The following KIR2DL4 variants were observed in gnomAD, a reference collection of about 807,000 sequenced individuals.
KIR2DL4 encodes the protein killer cell immunoglobulin-like receptor 2DL4.
Under a neutral mutation model 31.0 loss-of-function variants are expected in KIR2DL4, and 41 were observed. That is an observed-to-expected ratio of 1.32 (90% confidence interval 1.03 to 1.72). The LOEUF is 1.72. KIR2DL4 is among the 40% of genes most tolerant of loss of function. The probability of loss-of-function intolerance (pLI) is 0.00; values close to 1 mark genes in which losing one functional copy is unlikely to be tolerated. For synonymous variants in KIR2DL4, 164 were observed against 133.6 expected, an observed-to-expected ratio of 1.23 and a Z score of -1.57; for missense variants, 438 against 353.7, an observed-to-expected ratio of 1.24 and a Z score of -1.91.
chr19:54,806,921 G>A (rs938807123), intron 4 of KIR2DL4, among the ~76,000 whole-genome samples: 7 of 150,860 alleles, frequency 4.6e-5, no homozygotes, highest in Admixed American at 1.3e-4. Context: ...AGGCTGAGGC[G>A]GGAGAGTGGC....
At chr19:54,805,626 G>C (rs1346600471) in intron 3 of KIR2DL4, among the ~76,000 whole-genome samples, 1 of 149,764 alleles carries the variant, frequency 6.7e-6, no homozygotes, top group East Asian at 2.0e-4. Context: ...AGTGGAAGGG[G>C]TCAGTGTGTT....
chr19:54,806,696 T>C (rs2060550671), intron 4 of KIR2DL4, among the ~76,000 whole-genome samples: 4 of 151,268 alleles, frequency 2.6e-5, no homozygotes, highest in Admixed American at 2.6e-4. Flanking sequence ...TTTTTAAGTG[T>C]AAAATCTAGG....
At chr19:54,810,830 C>T (rs1172167658) in intron 5 of KIR2DL4, among the ~76,000 whole-genome samples, 1 of 151,318 alleles carries the variant, frequency 6.6e-6, no homozygotes, top group Non-Finnish European at 1.5e-5. Context: ...AGGTGCATAA[C>T]TGGAATCTAG....
At chr19:54,806,136 C>G in exon 4 of KIR2DL4, 1 of 1,612,104 alleles carries the variant, frequency 6.2e-7, no homozygotes, top group East Asian at 2.2e-5. Context: ...GGCCGACTTC[C>G]CTCTGGGTCC....
At chr19:54,807,723 A>C (rs672001) in intron 4 of KIR2DL4, among the ~76,000 whole-genome samples, 126,178 of 148,160 alleles carry the variant, frequency 0.85, 54,303 homozygotes, top group East Asian at 0.94. Context: ...CAAGCGTGAG[A>C]CACAGTGCCT....
At position 54,806,251 on chromosome 19, in the gene KIR2DL4, A is replaced by G; in HGVS notation, c.655+7A>G. On this transcript the variant is annotated splice_region_variant and intron_variant, in intron 4 of 7. Transcript: ENST00000359085. ...CTGCCTGTTTCTGTCACAGGTGAGGAAAGCCAATGTCTGTCCCATGTCCTA... is the reference window on the plus strand; with the variant it reads ...CTGCCTGTTTCTGTCACAGGTGAGGGAAGCCAATGTCTGTCCCATGTCCTA... 1 of 1,608,066 alleles carries G rather than the reference A, an allele frequency of 6.2e-7. No homozygotes were observed. The highest frequency in any genetic ancestry group is 8.5e-7 in the Non-Finnish European group (1 of 1,177,648).
chr19:54,811,415 AATAC>A (rs1381490037), intron 5 of KIR2DL4, among the ~76,000 whole-genome samples: 5 of 151,380 alleles, frequency 3.3e-5, no homozygotes, highest in African/African-American at 1.2e-4. Context: ...AAAAATAAAG[AATAC>A]ATAAATATAA....
At chr19:54,809,147 G>A (rs2060706924) in intron 5 of KIR2DL4, among the ~76,000 whole-genome samples, 1 of 151,058 alleles carries the variant, frequency 6.6e-6, no homozygotes, top group Admixed American at 6.6e-5. Context: ...GAAAAATGCT[G>A]TGTTTGTTCT....
chr19:54,805,444 G>C (rs1003830617), intron 3 of KIR2DL4, among the ~76,000 whole-genome samples: 1 of 151,188 alleles, frequency 6.6e-6, no homozygotes, highest in Non-Finnish European at 1.5e-5. Context: ...GAGCAGCATC[G>C]TGGGATACTC....
At chr19:54,806,275 T>C in intron 4 of KIR2DL4, 31 bp downstream of exon 4, 2 of 1,598,412 alleles carry the variant, frequency 1.3e-6, no homozygotes, top group South Asian at 1.1e-5. Context: ...TCCCATGTCC[T>C]ATGGTCCTAG....
chr19:54,807,383 A>G (rs2060591090), intron 4 of KIR2DL4, among the ~76,000 whole-genome samples: 1 of 151,234 alleles, frequency 6.6e-6, no homozygotes, highest in African/African-American at 2.4e-5. Context: ...TTGCATTTAC[A>G]CCCACTAGTG....
chr19:54,808,752 C>T (rs2060677341), intron 4 of KIR2DL4, 81 bp from the exon 5 acceptor site: 6 of 1,058,812 alleles, frequency 5.7e-6, no homozygotes, highest in Non-Finnish European at 8.7e-6. Context: ...GAATGTTGGC[C>T]ATGAACCAAC....
At chr19:54,809,276 G>A (rs2060713654) in intron 5 of KIR2DL4, among the ~76,000 whole-genome samples, 1 of 150,514 alleles carries the variant, frequency 6.6e-6, no homozygotes, top group Non-Finnish European at 1.5e-5. Flanking sequence ...ATGAGCTCCT[G>A]TCTGTCATGA....
rs774620816 is a variant in KIR2DL4 at position 54,811,557 on chromosome 19, T to C, written c.707-1568T>C. Among the ~76,000 whole-genome samples the C allele has an allele frequency of 2.9e-4, 44 of 151,238 alleles. 1 individual carries two copies. The highest frequency in any genetic ancestry group is 5.3e-4 in the Non-Finnish European group (36 of 67,908). ...GGCGAAAACATCTTCCTTATTTGGCTTTCTGTGAGCATGAGATCATATGGA... is the reference window on the plus strand; with the variant it reads ...GGCGAAAACATCTTCCTTATTTGGCCTTCTGTGAGCATGAGATCATATGGA... On this transcript the variant is annotated intron_variant, in intron 5 of 7. Transcript: ENST00000359085.
In KIR2DL4 at chr19:54,811,732, A is replaced by C. The variant is rs1345375186; in HGVS notation, c.707-1393A>C. 2.6e-5 allele frequency among the ~76,000 whole-genome samples: 4 copies of C among 151,222 alleles called. 1 individual carries two copies. Among genetic ancestry groups the C allele is most frequent in the African/African-American group, 9.8e-5 (4 of 40,896 alleles). Reference sequence around the variant, plus strand: ...AGATCATGGGGAGGTAAAAACTAATATTCTTTGGAGTTCAGATCGTAGACT... The same window carrying C: ...AGATCATGGGGAGGTAAAAACTAATCTTCTTTGGAGTTCAGATCGTAGACT... On this transcript the variant is annotated intron_variant, in intron 5 of 7. Coordinates refer to ENST00000359085, the Ensembl canonical transcript of KIR2DL4.
chr19:54,805,928 G>A (rs1298497213), intron 3 of KIR2DL4, 23 bp from the exon 4 acceptor site: 1 of 1,585,190 alleles, frequency 6.3e-7, no homozygotes, highest in East Asian at 2.2e-5. Context: ...CCTCCCTGAG[G>A]AAACTGCCTC....
chr19:54,812,547 G>C (rs2060924599), intron 5 of KIR2DL4, among the ~76,000 whole-genome samples: 1 of 150,306 alleles, frequency 6.7e-6, no homozygotes, highest in South Asian at 2.1e-4. Flanking sequence ...ATCTTCTAAA[G>C]AAAAGAGATG....
At chr19:54,810,534 C>A (rs572454893) in intron 5 of KIR2DL4, among the ~76,000 whole-genome samples, 4 of 151,712 alleles carry the variant, frequency 2.6e-5, no homozygotes, top group South Asian at 2.1e-4. Flanking sequence ...AATAGATCAA[C>A]CCCTGGAAGA....
At chr19:54,814,195 C>T (rs1398169543) in exon 8 of KIR2DL4, 5 of 1,447,470 alleles carry the variant, frequency 3.5e-6, no homozygotes, top group African/African-American at 2.8e-5. Context: ...TGTCTAAGGT[C>T]CCCACTGCCT....
Sources: allele counts gnomAD v4.1 joint callset (sites outside exome capture counted in the v4.1 genomes callset), GRCh38; gene constraint gnomAD v4.1.1; transcripts MANE v1.5; gene names NCBI Gene and HGNC (gene_info 2026-07-23, HGNC 2026-07-21).